Variants in ANKRD36C observed in about 807,000 individuals in gnomAD.
The protein encoded by ANKRD36C is ankyrin repeat domain-containing protein 36C.
ANKRD36C carries 61 observed loss-of-function variants against 276.4 expected under a neutral mutation model. The ratio of observed to expected loss-of-function variants is 0.22; its 90% CI spans 0.18 to 0.27. The LOEUF (loss-of-function observed/expected upper bound fraction) is 0.27, where lower values mean the gene tolerates loss of function less well. ANKRD36C is among the 10% of genes least tolerant of loss of function. The pLI is 1.00. For missense variants in ANKRD36C, 1,447 were observed against 2,032.3 expected, an observed-to-expected ratio of 0.71 and a Z score of 5.54; for synonymous variants, 483 against 680.1, an observed-to-expected ratio of 0.71 and a Z score of 4.51.
intron 8 of ANKRD36C, among the ~76,000 whole-genome samples, chr2:95,961,074 T>C (rs1451029124): frequency 2.0e-5 from 3 of 152,132 alleles, no homozygotes; most frequent in Non-Finnish European, 4.4e-5. Flanking sequence ...TTTATACCAT[T>C]ATACTACAAA....
At chr2:95,865,542 G>A (rs978980217) in intron 60 of ANKRD36C, among the ~76,000 whole-genome samples, 1 of 152,042 alleles carries the variant, frequency 6.6e-6, no homozygotes, top group African/African-American at 2.4e-5. Context: ...TTTGGATTTT[G>A]GAATATTTGC....
intron 19 of ANKRD36C, among the ~76,000 whole-genome samples, chr2:95,944,254 CT>C (rs1224297274): frequency 6.6e-6 from 1 of 152,158 alleles, no homozygotes; most frequent in Non-Finnish European, 1.5e-5. Context: ...ATTCTTACTT[CT>C]TTCCCCTCCT....
chr2:95,916,289 T>G (rs537819473), intron 36 of ANKRD36C, 118 bp from the exon 39 acceptor site: 172 of 1,517,458 alleles, frequency 1.1e-4, no homozygotes, highest in Non-Finnish European at 1.4e-4. Context: ...GAGGCTTTGA[T>G]GGCTTCTACT....
intron 20 of ANKRD36C, 48 bp downstream of exon 20, chr2:95,941,109 CATT>C (rs1677875569): frequency 7.1e-7 from 1 of 1,416,666 alleles, no homozygotes; most frequent in African/African-American, 1.5e-5. Context: ...CAAAAAATAA[CATT>C]ATCATTATTT....
chr2:95,962,561 G>C lies in ANKRD36C; in HGVS notation c.800-14C>G, dbSNP rs1359017416. Reference sequence around the variant, plus strand: ...TCTGAGAAGACACTGAAAAGCAAAAGGGATACATCATCAATCATAGGTAAA... The same window carrying C: ...TCTGAGAAGACACTGAAAAGCAAAACGGATACATCATCAATCATAGGTAAA... On this transcript the variant is annotated splice_polypyrimidine_tract_variant and intron_variant, in intron 6 of 66. Transcript: ENST00000456556. 1 of 1,599,568 alleles carries C rather than the reference G, an allele frequency of 6.3e-7. No individual in the cohort carries two copies. The highest frequency in any genetic ancestry group is 8.5e-7 in the Non-Finnish European group (1 of 1,178,368).
At chr2:95,974,815 C>A (rs1265292015) in intron 6 of ANKRD36C, among the ~76,000 whole-genome samples, 1 of 121,378 alleles carries the variant, frequency 8.2e-6, no homozygotes, top group African/African-American at 3.1e-5. Context: ...CCCCCCACCC[C>A]ACAACAGTCC....
intron 42 of ANKRD36C, among the ~76,000 whole-genome samples, chr2:95,910,883 G>A (rs541432291): frequency 2.4e-4 from 36 of 151,576 alleles, no homozygotes; most frequent in African/African-American, 8.7e-4. Flanking sequence ...AATCAGAAGA[G>A]CAACTCAGAC....
chr2:95,963,045 C>G (rs960361874), intron 6 of ANKRD36C, among the ~76,000 whole-genome samples: 2 of 152,064 alleles, frequency 1.3e-5, no homozygotes, highest in Non-Finnish European at 2.9e-5. Flanking sequence ...GTACACTTCA[C>G]ATCTCCTCAG....
rs563513197 is a variant in ANKRD36C, at chr2:95,914,984, A to T, written c.2450-681T>A. 2.6e-5 allele frequency among the ~76,000 whole-genome samples: 4 copies of T among 151,090 alleles called. No homozygotes were observed. In the East Asian group the frequency reaches 8.1e-4, roughly 30 times the overall value. On this transcript the variant is annotated intron_variant, in intron 38 of 66. Coordinates refer to ENST00000456556, the Ensembl canonical transcript of ANKRD36C. ...CATGGCACCAAAGGATAATATATTA[A>T]CCTCAATAAAAATATCATCCATTAT...
intron 5 of ANKRD36C, among the ~76,000 whole-genome samples, chr2:95,980,356 T>C (rs576284139): frequency 1.3e-5 from 2 of 152,196 alleles, no homozygotes; most frequent in South Asian, 4.1e-4. Flanking sequence ...CTTTATCCTA[T>C]GCATAGGGGT....
intron 6 of ANKRD36C, among the ~76,000 whole-genome samples, chr2:95,972,441 A>C (rs1425640518): frequency 5.9e-5 from 9 of 152,238 alleles, no homozygotes; most frequent in Non-Finnish European, 1.3e-4. Flanking sequence ...GTAACTCCAC[A>C]GGAGAGGGCT....
chr2:95,874,404 C>T (rs1430442228), intron 59 of ANKRD36C, among the ~76,000 whole-genome samples: 1 of 152,100 alleles, frequency 6.6e-6, no homozygotes, highest in Non-Finnish European at 1.5e-5. Context: ...TCTTTGACAA[C>T]CCTGAGAAAA....
chr2:95,873,070 C>A (rs1010841639), intron 59 of ANKRD36C, among the ~76,000 whole-genome samples: 1 of 152,164 alleles, frequency 6.6e-6, no homozygotes, highest in Non-Finnish European at 1.5e-5. Flanking sequence ...GGATCCACAG[C>A]CGAATTCTAC....
chr2:95,863,303 G>A (rs572990527), intron 60 of ANKRD36C, among the ~76,000 whole-genome samples: 22 of 151,972 alleles, frequency 1.4e-4, no homozygotes, highest in Non-Finnish European at 2.5e-4. Flanking sequence ...AATAGATAAC[G>A]TGAATTGCCC....
At chr2:95,971,739 C>T (rs1678705484) in intron 6 of ANKRD36C, among the ~76,000 whole-genome samples, 4 of 151,668 alleles carry the variant, frequency 2.6e-5, no homozygotes, top group Admixed American at 2.6e-4. Flanking sequence ...AAATATAAAA[C>T]AAAACTGAAC....
intron 4 of ANKRD36C, among the ~76,000 whole-genome samples, chr2:95,981,702 A>T (rs1339031159): frequency 6.6e-6 from 1 of 151,100 alleles, no homozygotes; most frequent in Non-Finnish European, 1.5e-5. Flanking sequence ...ATACTTGGTG[A>T]TAAGTAATGT....
rs774459798 is a variant in ANKRD36C at position 95,886,056 on chromosome 2, C to T, written c.3155G>A (p.Arg1052His). 22 of 1,609,986 alleles carry T rather than the reference C, an allele frequency of 1.4e-5. No individual in the cohort carries two copies. In the East Asian group the frequency reaches 2.7e-4, roughly 20 times the overall value. The change falls in exon 52 of 67, where the codon CGT becomes CAT. Residue 1052 changes from arginine to histidine, a missense_variant. Arg to His is a conservative substitution (Grantham distance 29, BLOSUM62 0). This residue lies in a region of ANKRD36C where 565 missense variants were observed against 539.5 expected (regional missense o/e 1.05). Transcript: ENST00000456556. ...GGTGTATTCCAAAATACCTGTCCCA[C>T]GTATTTGTCCATCCTTTATCTCTGT...
chr2:95,888,596 T>G (rs1676258112), intron 48 of ANKRD36C, among the ~76,000 whole-genome samples: 1 of 151,724 alleles, frequency 6.6e-6, no homozygotes, highest in Non-Finnish European at 1.5e-5. Context: ...GATATTACAG[T>G]TGAATGTACA....
intron 40 of ANKRD36C, among the ~76,000 whole-genome samples, chr2:95,912,948 T>G (rs1235144264): frequency 6.6e-6 from 1 of 151,242 alleles, no homozygotes; most frequent in East Asian, 2.0e-4. Flanking sequence ...TCAGTGGAAG[T>G]GTCCTGAATT....
Sources: allele counts gnomAD v4.1 joint callset (sites outside exome capture counted in the v4.1 genomes callset), GRCh38; gene constraint gnomAD v4.1.1; regional missense constraint gnomAD v4.1.1; transcripts MANE v1.5; gene names NCBI Gene and HGNC (gene_info 2026-07-23, HGNC 2026-07-21).